The following OR9G1 variants were observed in gnomAD, a reference collection of about 807,000 sequenced individuals.
The protein encoded by OR9G1 is olfactory receptor 9G1.
OR9G1 carries 21 observed loss-of-function variants against 14.5 expected under a neutral mutation model. The observed-to-expected ratio is 1.45, with a 90% confidence interval of 1.03 to 2.09. The LOEUF is 2.09. OR9G1 is among the 30% of genes most tolerant of loss of function. OR9G1 has a pLI of 0.00. For synonymous variants in OR9G1, 179 were observed against 153.3 expected, an observed-to-expected ratio of 1.17 and a Z score of -1.24; for missense variants, 476 against 364.2, an observed-to-expected ratio of 1.31 and a Z score of -2.50.
chr11:56,702,084 T>G lies in OR9G1; in HGVS notation c.*779T>G, dbSNP rs1252244355. ...AAAATAAAAGTCTATGAGTACACATTGATCAACAGATATTTTATTTTTATT... is the reference window on the plus strand; with the variant it reads ...AAAATAAAAGTCTATGAGTACACATGGATCAACAGATATTTTATTTTTATT... On this transcript the variant is annotated 3_prime_UTR_variant, in exon 2 of 2. Coordinates refer to ENST00000642097, the MANE Select transcript of OR9G1 (RefSeq NM_001005213.2). 6.9e-6 allele frequency: 1 copy of G among 145,900 alleles called. No homozygotes were observed. The highest frequency in any genetic ancestry group is 1.5e-5 in the Non-Finnish European group (1 of 66,878). The allele number at this position is 145,900 out of a possible 1,614,324, so 9.0% of individuals were successfully genotyped here.
chr11:56,699,499 G>A (rs1857569622), intron 1 of OR9G1, among the ~76,000 whole-genome samples: 1 of 152,312 alleles, frequency 6.6e-6, no homozygotes, highest in Admixed American at 6.5e-5. Flanking sequence ...TACAAATCAT[G>A]TACACTTGAA....
At position 56,702,186 on chromosome 11, in the gene OR9G1, T is replaced by C. The variant is rs1427957032; in HGVS notation, c.*881T>C. On this transcript the variant is annotated 3_prime_UTR_variant, in exon 2 of 2. Coordinates refer to ENST00000642097, the MANE Select transcript of OR9G1 (RefSeq NM_001005213.2). ...AAAGGATATTTCACTTAGCATAATGTCTTCTAGGTTTATTCACGTTGTTGT... is the reference window on the plus strand; with the variant it reads ...AAAGGATATTTCACTTAGCATAATGCCTTCTAGGTTTATTCACGTTGTTGT... 6.6e-6 allele frequency: 1 copy of C among 152,310 alleles called. No homozygotes were observed. The highest frequency in any genetic ancestry group is 2.1e-4 in the South Asian group (1 of 4,838). 9.4% of individuals were successfully genotyped at this position (152,310 alleles called of 1,614,324 possible). A position where few individuals can be genotyped will look rare whatever the true frequency, so the allele number is the denominator to read the frequency against.
chr11:56,700,713 GTGAGTGCTACCTGC>G lies in OR9G1; in HGVS notation c.329_342del (p.Glu110GlyfsTer6). The G allele has an allele frequency of 6.2e-7, 1 of 1,614,276 alleles. No homozygotes were observed. On this transcript the variant is annotated frameshift_variant, in exon 2 of 2. Transcript: ENST00000642097. LOFTEE classifies it high-confidence loss of function. ...TTCTTCTCTGCAGGGCTGGCCTATAGTGAGTGCTACCTGCTGGCTGCCGTGGCTTATGACCGCTA... is the reference window on the plus strand; with the variant it reads ...TTCTTCTCTGCAGGGCTGGCCTATAGTGGCTGCCGTGGCTTATGACCGCTA...
intron 1 of OR9G1, 135 bp from the exon 2 acceptor site, chr11:56,700,235 A>G (rs1857587490): frequency 7.3e-7 from 1 of 1,375,924 alleles, no homozygotes; most frequent in Non-Finnish European, 9.6e-7. Flanking sequence ...TTGTTGCAAA[A>G]TGAAGACTTT....
In OR9G1 at chr11:56,701,577, G is replaced by A. The variant is rs1019729316; in HGVS notation, c.*272G>A. ...CTATACCTTCATAAAGTGAGGAACA[G>A]CCTACCTCATTAGCCTAAGATTTGG... On this transcript the variant is annotated 3_prime_UTR_variant, in exon 2 of 2. Transcript: ENST00000642097. The A allele has an allele frequency of 2.2e-6, 1 of 458,206 alleles. No homozygotes were observed. The highest frequency in any genetic ancestry group is 4.6e-5 in the South Asian group (1 of 21,798). 28.4% of individuals were successfully genotyped at this position (458,206 alleles called of 1,614,324 possible). A position where few individuals can be genotyped will look rare whatever the true frequency, so the allele number is the denominator to read the frequency against.
Position 56,701,401 on chromosome 11 carries a change from G to C in OR9G1, c.*96G>C. The C allele has an allele frequency of 6.8e-7, 1 of 1,466,790 alleles. No homozygotes were observed. The highest frequency in any genetic ancestry group is 9.0e-7 in the Non-Finnish European group (1 of 1,109,868). 90.9% of individuals were successfully genotyped at this position (1,466,790 alleles called of 1,614,324 possible). ...TTACCATTGTGCTTTATCGTGATCA[G>C]TCCCCTTCTTGACACGTGAGAGTTA... On this transcript the variant is annotated 3_prime_UTR_variant, in exon 2 of 2. Transcript: ENST00000642097.
Position 56,700,801 on chromosome 11 carries a change from G to T in OR9G1, c.414G>T (p.Lys138Asn), listed in dbSNP as rs1857610149. 6.2e-7 allele frequency: 1 copy of T among 1,614,198 alleles called. No homozygotes were observed. Among genetic ancestry groups the T allele is most frequent in the African/African-American group, 1.3e-5 (1 of 74,968 alleles). Residue 138 changes from lysine to asparagine, a missense_variant, in exon 2 of 2, where the codon AAG becomes AAT. Around this residue, in one of 3 missense-constraint regions of OR9G1, gnomAD observed 352 missense variants for 211.6 expected, o/e 1.66. Coordinates refer to ENST00000642097, the MANE Select transcript of OR9G1 (RefSeq NM_001005213.2). ...PLLYAQAMSI[K>N]LCALLVAVSY... The stretch of plus-strand genomic sequence containing the variant: ...TTTATGCCCAGGCCATGTCCATAAA[G>T]CTGTGTGCATTGCTGGTAGCAGTCT...
At position 56,703,605 on chromosome 11, in the gene OR9G1, G is replaced by A. The variant is rs1031126272; in HGVS notation, c.*2300G>A. On this transcript the variant is annotated 3_prime_UTR_variant, in exon 2 of 2. Coordinates refer to ENST00000642097, the MANE Select transcript of OR9G1 (RefSeq NM_001005213.2). ...CGAAACTAGAAAGTACATCATTCCA[G>A]AGGGAAGCATCAATTGCAGAAAGTA... The A allele has an allele frequency of 6.6e-6, 1 of 152,316 alleles. No homozygotes were observed. Among genetic ancestry groups the A allele is most frequent in the Non-Finnish European group, 1.5e-5 (1 of 68,066 alleles). 9.4% of individuals were successfully genotyped at this position (152,316 alleles called of 1,614,324 possible). A position where few individuals can be genotyped will look rare whatever the true frequency, so the allele number is the denominator to read the frequency against.
chr11:56,700,735 C>T lies in OR9G1; in HGVS notation c.348C>T (p.Ala116=), dbSNP rs747547976. 211 of 1,614,148 alleles carry T rather than the reference C, an allele frequency of 1.3e-4. No individual in the cohort carries two copies. The highest frequency in any genetic ancestry group is 1.8e-4 in the Non-Finnish European group (207 of 1,180,018). Residue 116 remains alanine (A), a synonymous_variant, in exon 2 of 2, where the codon GCC becomes GCT. Coordinates refer to ENST00000642097, the MANE Select transcript of OR9G1 (RefSeq NM_001005213.2). The part of the protein sequence containing the change: ...LAYSECYLLA[A]VAYDRYVAIS... ...ATAGTGAGTGCTACCTGCTGGCTGC[C>T]GTGGCTTATGACCGCTACGTGGCCA...
intron 1 of OR9G1, among the ~76,000 whole-genome samples, chr11:56,699,871 C>A (rs1448780703): frequency 2.0e-5 from 3 of 152,182 alleles, no homozygotes; most frequent in African/African-American, 7.2e-5. Flanking sequence ...TCTCTTTTCC[C>A]TTTATACTTT....
rs66478733 is a variant in OR9G1, at chr11:56,702,112, T to TA, written c.*809dup. On this transcript the variant is annotated 3_prime_UTR_variant, in exon 2 of 2. Coordinates refer to ENST00000642097, the MANE Select transcript of OR9G1 (RefSeq NM_001005213.2). ...TCAACAGATATTTTATTTTTATTTTTAATAGATATTTTATAGAGAGAATAT... is the reference window on the plus strand; with the variant it reads ...TCAACAGATATTTTATTTTTATTTTTAAATAGATATTTTATAGAGAGAATAT... 1.1e-4 allele frequency: 16 copies of TA among 152,334 alleles called. No homozygotes were observed. The highest frequency in any genetic ancestry group is 2.6e-4 in the Admixed American group (4 of 15,306). The allele number at this position is 152,334 out of a possible 1,614,324, so 9.4% of individuals were successfully genotyped here.
chr11:56,700,787 G>T lies in OR9G1; in HGVS notation c.400G>T (p.Ala134Ser), dbSNP rs1216501079. 6.2e-7 allele frequency: 1 copy of T among 1,614,320 alleles called. No individual in the cohort carries two copies. Residue 134 changes from alanine (A) to serine (S), a missense_variant, in exon 2 of 2, where the codon GCC becomes TCC. Transcript: ENST00000642097. ...AISKPLLYAQ[A>S]MSIKLCALLV... The stretch of plus-strand genomic sequence containing the variant: ...CTCCAAGCCCCTGCTTTATGCCCAG[G>T]CCATGTCCATAAAGCTGTGTGCATT...
Position 56,701,298 on chromosome 11 carries a change from T to G in OR9G1, c.911T>G (p.Leu304Arg). 6.2e-7 allele frequency: 1 copy of G among 1,601,620 alleles called. No homozygotes were observed. Among genetic ancestry groups the G allele is most frequent in the Admixed American group, 1.7e-5 (1 of 58,074 alleles). Reference protein sequence around the residue: ...KDVKEALKKLLP With the variant: ...KDVKEALKKLRP ...GTGAAAGAGGCTCTGAAAAAACTTC[T>G]CCCATAAATCAAGATTATCTCCACC... Residue 304 changes from leucine (L) to arginine (R), a missense_variant, in exon 2 of 2, where the codon CTC becomes CGC. By Grantham distance (102) the Leu-to-Arg change is moderately radical (BLOSUM62 -2). Coordinates refer to ENST00000642097, the MANE Select transcript of OR9G1 (RefSeq NM_001005213.2).
rs766851203 is a variant in OR9G1, at chr11:56,700,771, C to T, written c.384C>T (p.Pro128=). The change falls in exon 2 of 2, where the codon CCC becomes CCT. Residue 128 remains proline (P), a synonymous_variant. Coordinates refer to ENST00000642097, the MANE Select transcript of OR9G1 (RefSeq NM_001005213.2). ...AYDRYVAISK[P]LLYAQAMSIK... ...ACCGCTACGTGGCCATCTCCAAGCC[C>T]CTGCTTTATGCCCAGGCCATGTCCA... 8.1e-6 allele frequency: 13 copies of T among 1,614,314 alleles called. No individual in the cohort carries two copies. Among genetic ancestry groups the T allele is most frequent in the Admixed American group, 1.7e-5 (1 of 60,038 alleles).
At position 56,701,360 on chromosome 11, in the gene OR9G1, T is replaced by A; in HGVS notation, c.*55T>A. On this transcript the variant is annotated 3_prime_UTR_variant, in exon 2 of 2. Coordinates refer to ENST00000642097, the MANE Select transcript of OR9G1 (RefSeq NM_001005213.2). ...AAAGACGACCTTAGATGGAGTGTTG[T>A]GTATTTCAAACAGAGTTACCATTGT... The A allele has an allele frequency of 6.5e-7, 1 of 1,531,288 alleles. No individual in the cohort carries two copies. Among genetic ancestry groups the A allele is most frequent in the Non-Finnish European group, 8.7e-7 (1 of 1,150,390 alleles). 94.9% of individuals were successfully genotyped at this position (1,531,288 alleles called of 1,614,324 possible). A position where few individuals can be genotyped will look rare whatever the true frequency, so the allele number is the denominator to read the frequency against.
At position 56,701,928 on chromosome 11, in the gene OR9G1, G is replaced by A. The variant is rs887790976; in HGVS notation, c.*623G>A. 3.9e-5 allele frequency: 6 copies of A among 152,310 alleles called. No homozygotes were observed. Among genetic ancestry groups the A allele is most frequent in the Non-Finnish European group, 7.3e-5 (5 of 68,062 alleles). The allele number at this position is 152,310 out of a possible 1,614,324, so 9.4% of individuals were successfully genotyped here. A position where few individuals can be genotyped will look rare whatever the true frequency, so the allele number is the denominator to read the frequency against. On this transcript the variant is annotated 3_prime_UTR_variant, in exon 2 of 2. Coordinates refer to ENST00000642097, the MANE Select transcript of OR9G1 (RefSeq NM_001005213.2). ...TTTGTAATTCACTGTATAACTCCCA[G>A]AGCTCCTCTTTATTTTACAGGGGTG... is the stretch of plus-strand genomic sequence containing the variant.
In OR9G1 at chr11:56,701,970, T is replaced by C. The variant is rs1265588148; in HGVS notation, c.*665T>C. On this transcript the variant is annotated 3_prime_UTR_variant, in exon 2 of 2. Transcript: ENST00000642097. ...ACAGGGGTGAACTTACAAGGACTTTTACATTAAAATTGTGACCTTCTGAGC... is the reference window on the plus strand; with the variant it reads ...ACAGGGGTGAACTTACAAGGACTTTCACATTAAAATTGTGACCTTCTGAGC... 6.6e-6 allele frequency: 1 copy of C among 152,314 alleles called. No individual in the cohort carries two copies. Among genetic ancestry groups the C allele is most frequent in the Non-Finnish European group, 1.5e-5 (1 of 68,062 alleles). 9.4% of individuals were successfully genotyped at this position (152,314 alleles called of 1,614,324 possible).
At chr11:56,699,801 G>T (rs115591212) in intron 1 of OR9G1, among the ~76,000 whole-genome samples, 2 of 152,292 alleles carry the variant, frequency 1.3e-5, no homozygotes, top group African/African-American at 4.8e-5. Context: ...TGTGTACTTC[G>T]TAATTTCATC....
chr11:56,701,389 T>C lies in OR9G1; in HGVS notation c.*84T>C. On this transcript the variant is annotated 3_prime_UTR_variant, in exon 2 of 2. Transcript: ENST00000642097. ...TTTCAAACAGAGTTACCATTGTGCT[T>C]TATCGTGATCAGTCCCCTTCTTGAC... 6.7e-7 allele frequency: 1 copy of C among 1,502,168 alleles called. No homozygotes were observed. The highest frequency in any genetic ancestry group is 1.3e-5 in the South Asian group (1 of 74,510). The allele number at this position is 1,502,168 out of a possible 1,614,324, so 93.1% of individuals were successfully genotyped here.
Sources: gnomAD v4.1 joint callset for allele counts (sites outside exome capture counted in the v4.1 genomes callset) on GRCh38, gnomAD v4.1.1 for gene constraint, gnomAD v4.1.1 regional missense constraint, MANE v1.5 for transcripts, NCBI Gene and HGNC (gene_info 2026-07-23, HGNC 2026-07-21) for gene names.